Variants in PNPLA1 observed in about 807,000 individuals in gnomAD.
The protein encoded by PNPLA1 is patatin like domain 1, omega-hydroxyceramide transacylase, also known as omega-hydroxyceramide transacylase.
PNPLA1 carries 36 observed loss-of-function variants against 51.7 expected under a neutral mutation model. That is an observed-to-expected ratio of 0.70 (90% CI 0.53 to 0.92). The LOEUF (loss-of-function observed/expected upper bound fraction) is 0.92. Ranked by LOEUF, PNPLA1 falls within the 40% of genes least tolerant of loss-of-function variation. The pLI, the probability that PNPLA1 is intolerant of heterozygous loss-of-function variation, is 0.00. For missense variants in PNPLA1, 658 were observed against 682.5 expected (o/e 0.96, Z 0.40); for synonymous variants, 293 against 280.1 (o/e 1.05, Z -0.46).
intron 1 of PNPLA1, among the ~76,000 whole-genome samples, chr6:36,288,544 C>T (rs2127342293): frequency 6.6e-6 from 1 of 150,784 alleles, no homozygotes; most frequent in East Asian, 2.0e-4. Context: ...GCTCCGCTTC[C>T]CGGGTTCACG....
intron 2 of PNPLA1, among the ~76,000 whole-genome samples, chr6:36,292,081 T>C (rs1459218711): frequency 6.6e-6 from 1 of 152,186 alleles, no homozygotes; most frequent in Admixed American, 6.5e-5. Flanking sequence ...TTAATTTTAG[T>C]TATGAATAAT....
chr6:36,277,719 C>G (rs894864345), intron 1 of PNPLA1, among the ~76,000 whole-genome samples: 17 of 152,186 alleles, frequency 1.1e-4, no homozygotes, highest in African/African-American at 4.1e-4. Context: ...AAATAATTAG[C>G]CAGGTGTGGT....
rs758240775 is a variant in PNPLA1 at position 36,291,378 on chromosome 6, G to A, written c.264G>A (p.Gly88=). 14 of 1,614,036 alleles carry A rather than the reference G, an allele frequency of 8.7e-6. No homozygotes were observed. Among genetic ancestry groups the A allele is most frequent in the South Asian group, 5.5e-5 (5 of 91,088 alleles). The change falls in exon 2 of 9, where the codon GGG becomes GGA. Residue 88 remains glycine (G), a synonymous_variant. Coordinates refer to ENST00000636260, the MANE Select transcript of PNPLA1 (RefSeq NM_001374623.1). ...GVAEVKKSFL[G]PLSPSCKMVQ... is the part of the protein sequence containing the mutation. ...CCGAGGTGAAGAAATCCTTCCTGGG[G>A]CCCTTGTCCCCGTCCTGTAAGATGG...
At chr6:36,268,804 G>A (rs928391375), upstream of PNPLA1, among the ~76,000 whole-genome samples, 5 of 152,060 alleles carry the variant, frequency 3.3e-5, no homozygotes, top group African/African-American at 4.8e-5. Flanking sequence ...CCAGGGCCCC[G>A]ACACAGCACA....
intron 1 of PNPLA1, among the ~76,000 whole-genome samples, chr6:36,261,933 T>A (rs770213987): frequency 6.6e-6 from 1 of 152,246 alleles, no homozygotes; most frequent in Non-Finnish European, 1.5e-5. Context: ...TCTCTTCTTT[T>A]AACCAGGGTA....
rs183818390 is a variant in PNPLA1, at chr6:36,297,045, G to C, written c.775+1621G>C. On this transcript the variant is annotated intron_variant, in intron 5 of 8. Transcript: ENST00000636260. ...GCTCTCATGAGAACGTCAAAGTGCT[G>C]AGTCCTAGCCACAGTCAGTCCCGCC... Among the ~76,000 whole-genome samples the C allele has an allele frequency of 9.9e-5, 15 of 152,250 alleles. No homozygotes were observed. In the East Asian group the frequency reaches 2.7e-3, roughly 27 times the overall value.
At chr6:36,276,530 C>G (rs1476938965) in intron 1 of PNPLA1, among the ~76,000 whole-genome samples, 1 of 152,170 alleles carries the variant, frequency 6.6e-6, no homozygotes, top group Non-Finnish European at 1.5e-5. Flanking sequence ...CCGTGATTGC[C>G]ACTGGGGGAT....
At chr6:36,268,494 AC>A (rs892687859), upstream of PNPLA1, among the ~76,000 whole-genome samples, 1 of 151,732 alleles carries the variant, frequency 6.6e-6, no homozygotes, top group African/African-American at 2.4e-5. Context: ...GTCCCATTAC[AC>A]CCCTTCCCTT....
At chr6:36,303,317 T>A (rs1050301714) in intron 6 of PNPLA1, among the ~76,000 whole-genome samples, 1 of 152,150 alleles carries the variant, frequency 6.6e-6, no homozygotes, top group South Asian at 2.1e-4. Context: ...ATGGTCTCAA[T>A]CTCCTGACTT....
intron 5 of PNPLA1, among the ~76,000 whole-genome samples, chr6:36,298,116 G>A (rs1324099938): frequency 6.6e-6 from 1 of 152,140 alleles, no homozygotes; most frequent in African/African-American, 2.4e-5. Context: ...CCATGTTGTT[G>A]AATGTATAAA....
chr6:36,312,286 A>T lies in PNPLA1; in HGVS notation c.*400A>T, dbSNP rs138236573. On this transcript the variant is annotated 3_prime_UTR_variant, in exon 9 of 9. Transcript: ENST00000636260. ...GCCCCATCCCCTTCCTAAAAAAACA[A>T]GTATCAGTTGAACTTTCATACATGG... 6.6e-6 allele frequency: 1 copy of T among 152,372 alleles called. No individual in the cohort carries two copies. The highest frequency in any genetic ancestry group is 2.4e-5 in the African/African-American group (1 of 41,556). The allele number at this position is 152,372 out of a possible 1,614,324, so 9.4% of individuals were successfully genotyped here.
intron 1 of PNPLA1, among the ~76,000 whole-genome samples, chr6:36,245,852 C>T (rs1303242637): frequency 6.6e-6 from 1 of 152,190 alleles, no homozygotes; most frequent in African/African-American, 2.4e-5. Flanking sequence ...TCCCTGACTC[C>T]CCGCACAGTT....
intron 6 of PNPLA1, 69 bp from the exon 7 acceptor site, chr6:36,306,223 G>A: frequency 8.8e-7 from 1 of 1,132,642 alleles, no homozygotes; most frequent in Non-Finnish European, 1.3e-6. Context: ...ACTGACTATT[G>A]CTATTTCAAA....
upstream of PNPLA1, among the ~76,000 whole-genome samples, chr6:36,267,785 GC>G (rs528795732): frequency 8.6e-5 from 13 of 151,370 alleles, no homozygotes; most frequent in Non-Finnish European, 1.6e-4. Flanking sequence ...TGCCATCCCT[GC>G]CCCCCCCATG....
intron 5 of PNPLA1, among the ~76,000 whole-genome samples, chr6:36,295,900 A>G (rs181505480): frequency 1.3e-5 from 2 of 152,352 alleles, no homozygotes; most frequent in Admixed American, 1.3e-4. Context: ...TGCCCTATGT[A>G]GGTTTGGAAT....
chr6:36,267,735 C>G (rs1031990074), upstream of PNPLA1, among the ~76,000 whole-genome samples: 1 of 152,176 alleles, frequency 6.6e-6, no homozygotes, highest in Non-Finnish European at 1.5e-5. Context: ...TTACCCTTCT[C>G]TGCTGCCTCA....
At chr6:36,250,031 T>C (rs1241196949) in intron 1 of PNPLA1, among the ~76,000 whole-genome samples, 1 of 152,234 alleles carries the variant, frequency 6.6e-6, no homozygotes, top group Non-Finnish European at 1.5e-5. Flanking sequence ...AAATATTTAT[T>C]AAGCACATAC....
intron 1 of PNPLA1, among the ~76,000 whole-genome samples, chr6:36,284,652 C>T (rs1164674799): frequency 6.6e-6 from 1 of 152,054 alleles, no homozygotes; most frequent in East Asian, 1.9e-4. Flanking sequence ...AGATTTCTTA[C>T]CTGTAAAATG....
Position 36,256,307 on chromosome 6 carries a change from A to G in PNPLA1, c.-81+13046A>G, listed in dbSNP as rs572502655. On this transcript the variant is annotated intron_variant, in intron 1 of 7. Coordinates refer to the PNPLA1 transcript ENST00000312917. ...GGAGTTTGAAACCAGCCTGGGCAACATAGGAAGAACCTGTCTTAGAAAAAA... is the reference window on the plus strand; with the variant it reads ...GGAGTTTGAAACCAGCCTGGGCAACGTAGGAAGAACCTGTCTTAGAAAAAA... 5.9e-5 allele frequency among the ~76,000 whole-genome samples: 9 copies of G among 152,008 alleles called. No individual in the cohort carries two copies. The East Asian group carries it at 1.5e-3, about 26-fold the overall frequency.
Sources: allele counts gnomAD v4.1 joint callset (sites outside exome capture counted in the v4.1 genomes callset), GRCh38; gene constraint gnomAD v4.1.1; transcripts MANE v1.5; gene names NCBI Gene and HGNC (gene_info 2026-07-23, HGNC 2026-07-21).